Variants in ITIH3 observed in about 807,000 individuals in gnomAD.
The protein encoded by ITIH3 is inter-alpha-trypsin inhibitor heavy chain H3.
ITIH3 carries 81 observed loss-of-function variants against 96.5 expected under a neutral mutation model. The ratio of observed to expected loss-of-function variants is 0.84; its 90% CI spans 0.70 to 1.01. The LOEUF (loss-of-function observed/expected upper bound fraction) is 1.01, where lower values mean the gene tolerates loss of function less well. Ranked by LOEUF, ITIH3 falls within the 50% of genes least tolerant of loss-of-function variation. The pLI, the probability that ITIH3 is intolerant of heterozygous loss-of-function variation, is 0.00. For missense variants in ITIH3, 1,057 were observed against 1,139.3 expected, an observed-to-expected ratio of 0.93 and a Z score of 1.04; for synonymous variants, 422 against 445.2, an observed-to-expected ratio of 0.95 and a Z score of 0.66.
chr3:52,806,860 A>C lies in ITIH3; in HGVS notation c.2057-41A>C, dbSNP rs1700069504. 3 of 1,521,392 alleles carry C rather than the reference A, an allele frequency of 2.0e-6. No homozygotes were observed. In the East Asian group the frequency reaches 7.3e-5, roughly 37 times the overall value. 94.2% of individuals were successfully genotyped at this position (1,521,392 alleles called of 1,614,324 possible). On this transcript the variant is annotated intron_variant, in intron 18 of 21. Coordinates refer to ENST00000449956, the MANE Select transcript of ITIH3 (RefSeq NM_002217.4). ...CCCCTAAAGGCAATCTGGACTCAGA[A>C]GTTCTCGCTGGTCTCTCTCCCTGCC... is the stretch of plus-strand genomic sequence containing the variant.
chr3:52,804,725 G>C lies in ITIH3; in HGVS notation c.1865-1G>C. ...TTCTTCCTCCCTTGCTGCACCTGCA[G>C]ATGCAGAAGGTAAGCCTTTAGCCAG... On this transcript the variant is annotated splice_acceptor_variant, in intron 14 of 21. Coordinates refer to ENST00000449956, the MANE Select transcript of ITIH3 (RefSeq NM_002217.4). LOFTEE classifies it high-confidence loss of function. The C allele has an allele frequency of 4.4e-6, 7 of 1,587,518 alleles. No homozygotes were observed. The highest frequency in any genetic ancestry group is 6.0e-6 in the Non-Finnish European group (7 of 1,165,736).
At chr3:52,806,206 C>A (rs1424947448) in intron 17 of ITIH3, 68 bp downstream of exon 17, 2 of 1,596,688 alleles carry the variant, frequency 1.3e-6, no homozygotes, top group African/African-American at 2.7e-5. Context: ...GTCTCGGAGT[C>A]GAGCCCATGG....
At chr3:52,800,781 G>T in intron 10 of ITIH3, 118 bp downstream of exon 10, 1 of 1,490,522 alleles carries the variant, frequency 6.7e-7, no homozygotes, top group Non-Finnish European at 9.1e-7. Flanking sequence ...CCTGTGGTCT[G>T]GGAGCCCCTC....
intron 18 of ITIH3, 137 bp from the exon 19 acceptor site, chr3:52,806,764 T>A: frequency 1.4e-6 from 1 of 711,334 alleles, no homozygotes; most frequent in South Asian, 1.8e-5. Flanking sequence ...GCTTGGGCTC[T>A]GAAGTCCTGG....
intron 13 of ITIH3, among the ~76,000 whole-genome samples, chr3:52,803,381 G>C (rs1311165887): frequency 6.9e-5 from 10 of 144,692 alleles, no homozygotes; most frequent in East Asian, 2.0e-4. Flanking sequence ...TGCAGTGGCG[G>C]GATCTCGGCT....
chr3:52,796,373 C>T (rs1013200990), intron 2 of ITIH3, 108 bp from the exon 3 acceptor site: 12 of 923,918 alleles, frequency 1.3e-5, no homozygotes, highest in South Asian at 1.7e-5. Context: ...GGTTGCGTGC[C>T]GGGCAGGGGC....
At chr3:52,802,945 C>T (rs1699893150) in intron 13 of ITIH3, 139 bp downstream of exon 13, 2 of 976,618 alleles carry the variant, frequency 2.0e-6, no homozygotes, top group East Asian at 2.6e-5. Context: ...CTGTAAGGAA[C>T]CCCAGGCCGC....
chr3:52,799,665 C>A, intron 8 of ITIH3, 88 bp from the exon 9 acceptor site: 1 of 1,375,192 alleles, frequency 7.3e-7, no homozygotes, highest in Non-Finnish European at 9.9e-7. Flanking sequence ...CTCGCTGGTG[C>A]AGATGGCGTG....
intron 6 of ITIH3, among the ~76,000 whole-genome samples, chr3:52,798,257 TG>T (rs1559470649): frequency 6.6e-6 from 1 of 152,236 alleles, no homozygotes; most frequent in Non-Finnish European, 1.5e-5. Flanking sequence ...TTAGATCTAC[TG>T]ACTCCACAAT....
At chr3:52,807,603 T>C in intron 19 of ITIH3, 144 bp from the exon 20 acceptor site, 1 of 708,820 alleles carries the variant, frequency 1.4e-6, no homozygotes, top group Non-Finnish European at 2.3e-6. Context: ...GGCATCCTCT[T>C]TCCAACGCCC....
intron 18 of ITIH3, 31 bp downstream of exon 18, chr3:52,806,437 G>T: frequency 6.4e-7 from 1 of 1,566,378 alleles, no homozygotes; most frequent in Non-Finnish European, 8.7e-7. Flanking sequence ...CCGGGGCCAG[G>T]GGGCTCTTCC....
Position 52,797,212 on chromosome 3 carries a change from G to C in ITIH3, c.494G>C (p.Gly165Ala). Residue 165 changes from glycine to alanine, a missense_variant, in exon 5 of 22, where the codon GGC becomes GCC. Physicochemically the swap from Gly to Ala is moderately conservative, Grantham distance 60. Coordinates refer to ENST00000449956, the MANE Select transcript of ITIH3 (RefSeq NM_002217.4). ...TYEELLKRHK[G>A]KYEMYLKVQP... ...GAGGAGCTGCTGAAGAGGCACAAGG[G>C]CAAGTACGAGATGTACCTCAAGGTC... 1 of 1,608,062 alleles carries C rather than the reference G, an allele frequency of 6.2e-7. No homozygotes were observed. Among genetic ancestry groups the C allele is most frequent in the Non-Finnish European group, 8.5e-7 (1 of 1,177,476 alleles).
rs1559471062 is a variant in ITIH3, at chr3:52,799,394, A to G, written c.812A>G (p.His271Arg). 3 of 1,604,282 alleles carry G rather than the reference A, an allele frequency of 1.9e-6. No homozygotes were observed. In the African/African-American group the frequency reaches 4.0e-5, roughly 22 times the overall value. ...NVQIVNGYFV[H>R]FFAPQGLPVV... ...CAGATAGTCAATGGCTACTTCGTGC[A>G]CTTCTTTGCACCTCAAGGCCTTCCA... The change falls in exon 8 of 22, where the codon CAC (histidine) becomes CGC (arginine). Residue 271 changes from histidine to arginine, a missense_variant. Transcript: ENST00000449956.
At chr3:52,796,368 C>A in intron 2 of ITIH3, 113 bp from the exon 3 acceptor site, 1 of 843,416 alleles carries the variant, frequency 1.2e-6, no homozygotes, top group Non-Finnish European at 1.9e-6. Flanking sequence ...ATGAGGGTTG[C>A]GTGCCGGGCA....
At chr3:52,808,529 C>T (rs1268275064) in intron 21 of ITIH3, 23 bp from the exon 22 acceptor site, 1 of 1,610,680 alleles carries the variant, frequency 6.2e-7, no homozygotes, top group Admixed American at 1.7e-5. Flanking sequence ...CCGTGTATTG[C>T]AGCATCTCTC....
Position 52,804,384 on chromosome 3 carries a change from A to G in ITIH3, c.1865-342A>G, listed in dbSNP as rs1297426709. The stretch of plus-strand genomic sequence containing the variant: ...GGCACCTGGAGATTGTTAGGGGAAG[A>G]GTCCCTGAGAGCTGGAGGCTGGGAC... On this transcript the variant is annotated intron_variant, in intron 14 of 21. Coordinates refer to ENST00000449956, the MANE Select transcript of ITIH3 (RefSeq NM_002217.4). The G allele has an allele frequency of 9.2e-6, 4 of 435,794 alleles. No individual in the cohort carries two copies. In the Admixed American group the frequency reaches 1.6e-4, roughly 17 times the overall value. 27.0% of individuals were successfully genotyped at this position (435,794 alleles called of 1,614,324 possible). A position where few individuals can be genotyped will look rare whatever the true frequency, so the allele number is the denominator to read the frequency against.
At chr3:52,803,778 G>A (rs911910008) in intron 13 of ITIH3, 77 bp from the exon 14 acceptor site, 9 of 1,526,430 alleles carry the variant, frequency 5.9e-6, no homozygotes, top group African/African-American at 2.7e-5. Context: ...CCCCAGCTGT[G>A]TCCACTGCTC....
At chr3:52,805,456 C>T in intron 15 of ITIH3, 1 of 1,093,152 alleles carries the variant, frequency 9.1e-7, no homozygotes, top group Non-Finnish European at 1.1e-6. Context: ...AAGCAACAGA[C>T]AGCCGTGAGC....
chr3:52,798,484 C>G (rs1331329992), intron 6 of ITIH3: 8 of 180,472 alleles, frequency 4.4e-5, no homozygotes, highest in Non-Finnish European at 9.4e-5. Context: ...ACATCCTGCC[C>G]CGGGACCCTC....
Sources: allele counts gnomAD v4.1 joint callset (sites outside exome capture counted in the v4.1 genomes callset), GRCh38; gene constraint gnomAD v4.1.1; transcripts MANE v1.5; gene names NCBI Gene and HGNC (gene_info 2026-07-23, HGNC 2026-07-21).